Variants in MAGI3 observed in about 807,000 individuals in gnomAD.
The protein encoded by MAGI3 is membrane-associated guanylate kinase, WW and PDZ domain-containing protein 3.
Under a neutral mutation model 121.8 loss-of-function variants are expected in MAGI3, and 43 were observed. The observed-to-expected ratio is 0.35, with a 90% CI of 0.28 to 0.46. MAGI3 has a LOEUF of 0.46. Among genes scored for constraint, MAGI3 ranks in the 20% least tolerant of loss-of-function variants. The pLI, the probability that MAGI3 is intolerant of heterozygous loss-of-function variation, is 1.00. For missense variants in MAGI3, 1,547 were observed against 1,797.3 expected (o/e 0.86, Z 2.52); for synonymous variants, 553 against 639.3 (o/e 0.86, Z 2.04).
chr1:113,405,795 A>G (rs896057163), intron 1 of MAGI3, among the ~76,000 whole-genome samples: 1 of 151,990 alleles, frequency 6.6e-6, no homozygotes, highest in Non-Finnish European at 1.5e-5. Context: ...TGCTTCTCCC[A>G]TGCTTCTCTG....
intron 1 of MAGI3, among the ~76,000 whole-genome samples, chr1:113,483,735 G>T (rs376734258): frequency 6.2e-4 from 94 of 152,168 alleles, no homozygotes; most frequent in Non-Finnish European, 8.7e-4. Flanking sequence ...GCAGGATGAG[G>T]TGGTTTGGAT....
chr1:113,464,537 T>C (rs186502632), intron 1 of MAGI3, among the ~76,000 whole-genome samples: 1 of 152,298 alleles, frequency 6.6e-6, no homozygotes, highest in Admixed American at 6.5e-5. Flanking sequence ...CTTGATCATA[T>C]GGTAGTTCTA....
At chr1:113,475,412 A>G (rs1655765219) in intron 1 of MAGI3, among the ~76,000 whole-genome samples, 1 of 152,194 alleles carries the variant, frequency 6.6e-6, no homozygotes, top group African/African-American at 2.4e-5. Context: ...GATACGTTCC[A>G]TGAATACCTA....
chr1:113,411,217 G>T (rs550488184), intron 1 of MAGI3, among the ~76,000 whole-genome samples: 1 of 152,180 alleles, frequency 6.6e-6, no homozygotes, highest in South Asian at 2.1e-4. Context: ...AACTTAATCT[G>T]TTTATTGAGT....
At chr1:113,615,860 T>A (rs1444325646) in intron 7 of MAGI3, among the ~76,000 whole-genome samples, 2 of 152,234 alleles carry the variant, frequency 1.3e-5, no homozygotes, top group East Asian at 3.8e-4. Context: ...AGACTTATTT[T>A]GTTAAAGGAA....
intron 2 of MAGI3, among the ~76,000 whole-genome samples, chr1:113,579,263 C>T (rs1198473631): frequency 6.6e-6 from 1 of 152,114 alleles, no homozygotes; most frequent in Non-Finnish European, 1.5e-5. Context: ...AAGGAACTTT[C>T]TAAGCCAGGA....
At position 113,391,133 on chromosome 1, in the gene MAGI3, C is replaced by A. The variant is rs777316581; in HGVS notation, c.100C>A (p.Arg34Ser). ...GPPGDFGAEIRGGAERGEFPY... is the reference protein window; with the variant it reads ...GPPGDFGAEISGGAERGEFPY... ...CCCGGGCGACTTCGGCGCGGAGATC[C>A]GCGGTGGCGCGGAGCGTGGCGAGTT... The change falls in exon 1 of 21, where the codon CGC becomes AGC. Residue 34 changes from arginine (R) to serine (S), a missense_variant. Arg to Ser is a moderately radical substitution (Grantham distance 110). Coordinates refer to ENST00000307546, the MANE Select transcript of MAGI3 (RefSeq NM_001142782.2). The surrounding 1 kb of genome is among the most constrained non-coding windows in gnomAD (Gnocchi z 4.4). 1.3e-6 allele frequency: 2 copies of A among 1,567,702 alleles called. No individual in the cohort carries two copies. The highest frequency in any genetic ancestry group is 1.7e-6 in the Non-Finnish European group (2 of 1,156,708).
At chr1:113,660,765 A>T (rs1295154799) in intron 16 of MAGI3, among the ~76,000 whole-genome samples, 9 of 104,324 alleles carry the variant, frequency 8.6e-5, no homozygotes, top group Non-Finnish European at 1.5e-4. Flanking sequence ...CATAATTTTT[A>T]ATTTTTTTTT....
intron 2 of MAGI3, among the ~76,000 whole-genome samples, chr1:113,566,947 G>C (rs1660454853): frequency 6.9e-6 from 1 of 145,882 alleles, no homozygotes; most frequent in South Asian, 2.1e-4. Context: ...CTAGAGCAGA[G>C]ATAAACTGAA....
intron 1 of MAGI3, among the ~76,000 whole-genome samples, chr1:113,426,329 T>G (rs969545219): frequency 1.1e-4 from 16 of 152,226 alleles, no homozygotes; most frequent in Non-Finnish European, 2.2e-4. Context: ...ATGGCCTTTC[T>G]TGATGGATTT....
chr1:113,516,960 A>G (rs1378239470), intron 1 of MAGI3, among the ~76,000 whole-genome samples: 2 of 151,982 alleles, frequency 1.3e-5, no homozygotes, highest in Non-Finnish European at 2.9e-5. Flanking sequence ...ACAAACTACA[A>G]TTGAAGGATA....
chr1:113,598,907 A>G (rs1031708973), intron 6 of MAGI3, among the ~76,000 whole-genome samples: 5 of 152,238 alleles, frequency 3.3e-5, no homozygotes, highest in Admixed American at 6.5e-5. Context: ...TCTGCAAAGT[A>G]GACCATATGA....
chr1:113,445,097 A>C (rs888028853), intron 1 of MAGI3, among the ~76,000 whole-genome samples: 5 of 152,308 alleles, frequency 3.3e-5, no homozygotes, highest in African/African-American at 9.6e-5. Context: ...AACAGAGCTT[A>C]AGGAATCTGT....
intron 1 of MAGI3, among the ~76,000 whole-genome samples, chr1:113,425,321 C>T (rs1441020168): frequency 1.1e-4 from 12 of 112,984 alleles, no homozygotes; most frequent in African/African-American, 1.8e-4. Context: ...CTTGCTCTGT[C>T]GCCCAGGCTA....
intron 12 of MAGI3, among the ~76,000 whole-genome samples, chr1:113,647,825 C>A (rs1301952636): frequency 3.3e-5 from 5 of 152,116 alleles, no homozygotes; most frequent in Non-Finnish European, 5.9e-5. Context: ...TTTCTTCATA[C>A]TTTCCATTCA....
intron 1 of MAGI3, among the ~76,000 whole-genome samples, chr1:113,474,906 T>C (rs1334850619): frequency 6.6e-6 from 1 of 152,214 alleles, no homozygotes; most frequent in African/African-American, 2.4e-5. Context: ...GTGTCCTCTT[T>C]TATTTCCTTG....
At chr1:113,576,698 T>G (rs1647670387) in intron 2 of MAGI3, 1 of 152,100 alleles carries the variant, frequency 6.6e-6, no homozygotes, top group Admixed American at 6.5e-5. Flanking sequence ...ACAGAGGAAA[T>G]CTATATGGCT....
intron 1 of MAGI3, among the ~76,000 whole-genome samples, chr1:113,464,461 G>A (rs1462782352): frequency 1.3e-5 from 2 of 152,128 alleles, no homozygotes; most frequent in Admixed American, 1.3e-4. Context: ...ATAAACATGA[G>A]AGTGCGGATA....
chr1:113,515,204 G>T (rs1490197234), intron 1 of MAGI3, among the ~76,000 whole-genome samples: 1 of 151,862 alleles, frequency 6.6e-6, no homozygotes, highest in Non-Finnish European at 1.5e-5. Flanking sequence ...AACTTCCAAA[G>T]GCCTTTGATG....
Sources: gnomAD v4.1 joint callset for allele counts (sites outside exome capture counted in the v4.1 genomes callset) on GRCh38, gnomAD v4.1.1 for gene constraint, Gnocchi (gnomAD v3.1) non-coding constraint, MANE v1.5 for transcripts, NCBI Gene and HGNC (gene_info 2026-07-23, HGNC 2026-07-21) for gene names.